The following CAMTA1 variants were observed in gnomAD, a reference collection of about 807,000 sequenced individuals.
The protein encoded by CAMTA1 is calmodulin-binding transcription activator 1.
CAMTA1 carries 27 observed loss-of-function variants against 170.9 expected under a neutral mutation model. The observed-to-expected ratio is 0.16, with a 90% CI of 0.12 to 0.22. The LOEUF is 0.22. Among genes scored for constraint, CAMTA1 ranks in the 10% least tolerant of loss-of-function variants. CAMTA1 has a pLI of 1.00. For missense variants in CAMTA1, 1,619 were observed against 2,217.2 expected, an observed-to-expected ratio of 0.73 and a Z score of 5.42; for synonymous variants, 833 against 891.5, an observed-to-expected ratio of 0.93 and a Z score of 1.17.
At chr1:7,542,484 G>A (rs2094625300) in intron 6 of CAMTA1, among the ~76,000 whole-genome samples, 1 of 152,048 alleles carries the variant, frequency 6.6e-6, no homozygotes, top group South Asian at 2.1e-4. Flanking sequence ...TGCCTAGGCT[G>A]CAGTGCAGTG....
chr1:7,761,887 A>T (rs961301625), intron 22 of CAMTA1, among the ~76,000 whole-genome samples: 4 of 152,040 alleles, frequency 2.6e-5, no homozygotes, highest in Non-Finnish European at 5.9e-5. Context: ...CAAGCAGCTC[A>T]TGCCTGTAAT....
chr1:7,595,366 T>C (rs2095391694), intron 6 of CAMTA1, among the ~76,000 whole-genome samples: 1 of 152,248 alleles, frequency 6.6e-6, no homozygotes, highest in South Asian at 2.1e-4. Context: ...TAATGGAGCA[T>C]TGAGAAGCAG....
chr1:6,968,494 G>A (rs1011380216), intron 3 of CAMTA1, among the ~76,000 whole-genome samples: 2 of 152,178 alleles, frequency 1.3e-5, no homozygotes, highest in African/African-American at 4.8e-5. Context: ...AATGTTTACT[G>A]TGTGCCTACT....
At chr1:7,425,478 TG>T in intron 5 of CAMTA1, among the ~76,000 whole-genome samples, 1 of 152,166 alleles carries the variant, frequency 6.6e-6, no homozygotes, top group African/African-American at 2.4e-5. Flanking sequence ...GGAGTTTGTC[TG>T]GGGTGGACGC....
chr1:7,087,284 T>C (rs1640878577), intron 3 of CAMTA1, among the ~76,000 whole-genome samples: 2 of 152,216 alleles, frequency 1.3e-5, no homozygotes, highest in Non-Finnish European at 2.9e-5. Flanking sequence ...CTTCCTATGA[T>C]GTTTTAAGCA....
chr1:7,595,999 C>T (rs1467214993), intron 6 of CAMTA1, among the ~76,000 whole-genome samples: 7 of 152,220 alleles, frequency 4.6e-5, no homozygotes, highest in African/African-American at 1.4e-4. Flanking sequence ...CTCTTGGCTT[C>T]CTGGGGACCC....
chr1:7,270,084 A>G (rs575710527), intron 5 of CAMTA1, among the ~76,000 whole-genome samples: 1 of 152,100 alleles, frequency 6.6e-6, no homozygotes, highest in South Asian at 2.1e-4. Flanking sequence ...CAGTGTGCAT[A>G]TTCTTCAAGA....
rs1403273585 is a variant in CAMTA1, at chr1:7,443,649, C to A, written c.439-24181C>A. ...GATGATTGCAGTGCCCTATAGTGCA[C>A]CGTTGGGGTAGAGGGAGGCCCAGAG... On this transcript the variant is annotated intron_variant, in intron 5 of 22. Transcript: ENST00000303635. This position sits in a 1 kb window ranked among gnomAD's most constrained non-coding sequence, Gnocchi z 4.1. Among the ~76,000 whole-genome samples the A allele has an allele frequency of 6.6e-6, 1 of 152,058 alleles. No homozygotes were observed. The highest frequency in any genetic ancestry group is 1.5e-5 in the Non-Finnish European group (1 of 68,020).
rs370354816 is a variant in CAMTA1, at chr1:7,635,565, C to A, written c.511-4835C>A. On this transcript the variant is annotated intron_variant, in intron 6 of 22. Coordinates refer to ENST00000303635, the MANE Select transcript of CAMTA1 (RefSeq NM_015215.4). This position sits in a 1 kb window ranked among gnomAD's most constrained non-coding sequence, Gnocchi z 4.4. ...CGGAGGTTGCAGTGAGCCGAGATCG[C>A]GCCACTGCACTCCAGCCTGGGGGAC... is the stretch of plus-strand genomic sequence containing the variant. Among the ~76,000 whole-genome samples the A allele has an allele frequency of 1.5e-4, 22 of 150,646 alleles. No homozygotes were observed. The highest frequency in any genetic ancestry group is 2.8e-4 in the Non-Finnish European group (19 of 67,730).
chr1:7,464,921 G>A (rs1028020825), intron 5 of CAMTA1, among the ~76,000 whole-genome samples: 3 of 152,082 alleles, frequency 2.0e-5, no homozygotes, highest in African/African-American at 7.2e-5. Context: ...TCTCGCCGAG[G>A]CCCTCACAGC....
rs1015543040 is a variant in CAMTA1, at chr1:7,443,615, G to A, written c.439-24215G>A. ...ATATTGAGTGGCACAGAGGAGGCTC[G>A]CAAGCAGAGATGATTGCAGTGCCCT... On this transcript the variant is annotated intron_variant, in intron 5 of 22. Transcript: ENST00000303635. This position sits in a 1 kb window ranked among gnomAD's most constrained non-coding sequence, Gnocchi z 4.1. 1.3e-4 allele frequency among the ~76,000 whole-genome samples: 19 copies of A among 151,512 alleles called. No homozygotes were observed. The highest frequency in any genetic ancestry group is 8.5e-4 in the South Asian group (4 of 4,720).
At chr1:7,763,736 CAAT>C (rs1453150660) in intron 22 of CAMTA1, among the ~76,000 whole-genome samples, 3 of 152,194 alleles carry the variant, frequency 2.0e-5, no homozygotes, top group African/African-American at 7.2e-5. Context: ...TATTTCATCT[CAAT>C]GATGAACTTA....
chr1:6,882,981 C>A (rs1672030593), intron 3 of CAMTA1, among the ~76,000 whole-genome samples: 1 of 152,186 alleles, frequency 6.6e-6, no homozygotes, highest in Non-Finnish European at 1.5e-5. Flanking sequence ...ACTGCCATTT[C>A]CACTTCCCGG....
chr1:7,634,845 G>A lies in CAMTA1; in HGVS notation c.511-5555G>A, dbSNP rs1576509064. On this transcript the variant is annotated intron_variant, in intron 6 of 22. Coordinates refer to ENST00000303635, the MANE Select transcript of CAMTA1 (RefSeq NM_015215.4). This position sits in a 1 kb window ranked among gnomAD's most constrained non-coding sequence, Gnocchi z 6.2. ...GAGCGGGGCCTCTGTCTCTCCTGACGACATTCCAGCTGTTCCGAGGCCTGA... is the reference window on the plus strand; with the variant it reads ...GAGCGGGGCCTCTGTCTCTCCTGACAACATTCCAGCTGTTCCGAGGCCTGA... 6.6e-6 allele frequency among the ~76,000 whole-genome samples: 1 copy of A among 152,250 alleles called. No individual in the cohort carries two copies. The highest frequency in any genetic ancestry group is 1.9e-4 in the East Asian group (1 of 5,172).
At chr1:7,219,527 A>G (rs2149117317) in intron 4 of CAMTA1, 1 of 130,028 alleles carries the variant, frequency 7.7e-6, no homozygotes, top group African/African-American at 3.1e-5. Flanking sequence ...CTCTCCTGAC[A>G]TTTGAATTTT....
chr1:7,212,307 A>G lies in CAMTA1; in HGVS notation c.303-37184A>G, dbSNP rs182935693. Among the ~76,000 whole-genome samples, 50 of 152,280 alleles carry G rather than the reference A, an allele frequency of 3.3e-4. No homozygotes were observed. In the Middle Eastern group the frequency reaches 0.01, roughly 31 times the overall value. The stretch of plus-strand genomic sequence containing the variant: ...TTTTTTAAGGATGGAAAACATTAAC[A>G]TGTTTATAAAAATCAAAACTATGCA... On this transcript the variant is annotated intron_variant, in intron 4 of 22. Coordinates refer to ENST00000303635, the MANE Select transcript of CAMTA1 (RefSeq NM_015215.4).
At position 7,304,923 on chromosome 1, in the gene CAMTA1, AT is replaced by A. The variant is rs561450907; in HGVS notation, c.438+55300del. Among the ~76,000 whole-genome samples the A allele has an allele frequency of 1.6e-3, 245 of 152,076 alleles. 2 individuals are homozygous for A. The highest frequency in any genetic ancestry group is 0.015 in the Admixed American group (234 of 15,290). On this transcript the variant is annotated intron_variant, in intron 5 of 22. Coordinates refer to ENST00000303635, the MANE Select transcript of CAMTA1 (RefSeq NM_015215.4). Reference sequence around the variant, plus strand: ...CTAAAATGTATGACATAGAGAGGCCATTTCTTGTTCCAAAATTACAAAAAAA... The same window carrying A: ...CTAAAATGTATGACATAGAGAGGCCATTCTTGTTCCAAAATTACAAAAAAA...
intron 5 of CAMTA1, among the ~76,000 whole-genome samples, chr1:7,250,450 C>G (rs2067995): frequency 0.08 from 12,172 of 152,142 alleles, 1,367 homozygotes; most frequent in African/African-American, 0.24. Context: ...GCCTTGGGCC[C>G]GGAGCTGAGA....
At chr1:7,733,117 A>T (rs11121008) in intron 12 of CAMTA1, among the ~76,000 whole-genome samples, 4,462 of 152,090 alleles carry the variant, frequency 0.029, 224 homozygotes, top group African/African-American at 0.1. Flanking sequence ...TGGGAGGATC[A>T]CTTGAGCCCG....
Sources: allele counts gnomAD v4.1 joint callset (sites outside exome capture counted in the v4.1 genomes callset), GRCh38; gene constraint gnomAD v4.1.1; non-coding constraint Gnocchi (gnomAD v3.1); transcripts MANE v1.5; gene names NCBI Gene and HGNC (gene_info 2026-07-23, HGNC 2026-07-21).